The following FOXN4 variants were observed in gnomAD, a reference collection of about 807,000 sequenced individuals.
The protein encoded by FOXN4 is forkhead box protein N4.
Under a neutral mutation model 45.0 loss-of-function variants are expected in FOXN4, and 12 were observed. That is an observed-to-expected ratio of 0.27 (90% confidence interval 0.17 to 0.43). The LOEUF (loss-of-function observed/expected upper bound fraction) is 0.43, where lower values mean the gene tolerates loss of function less well. FOXN4 is among the 20% of genes least tolerant of loss of function. The probability of loss-of-function intolerance (pLI) is 1.00; values close to 1 mark genes in which losing one functional copy is unlikely to be tolerated. For synonymous variants in FOXN4, 297 were observed against 295.0 expected (o/e 1.01, Z -0.07); for missense variants, 560 against 694.9 (o/e 0.81, Z 2.18).
At chr12:109,304,287 GAAAGA>G (rs1566005700) in intron 2 of FOXN4, among the ~76,000 whole-genome samples, 36 of 49,590 alleles carry the variant, frequency 7.3e-4, no homozygotes, top group South Asian at 4.4e-3. Context: ...AAGAAAGAAA[GAAAGA>G]AAGGAGAAAG....
At position 109,281,576 on chromosome 12, in the gene FOXN4, A is replaced by G. The variant is rs2047652916; in HGVS notation, c.1125T>C (p.Ser375=). The G allele has an allele frequency of 1.9e-6, 3 of 1,606,302 alleles. No individual in the cohort carries two copies. The highest frequency in any genetic ancestry group is 2.6e-6 in the Non-Finnish European group (3 of 1,176,470). Residue 375 remains serine (S), a synonymous_variant, in exon 9 of 10, where the codon TCT becomes TCC. Transcript: ENST00000299162. The stretch of plus-strand genomic sequence containing the variant: ...GTGGCGGGGTCTGGGCTGGTGCTGG[A>G]GAGTCTGGAGCAAGATGTGCCTGGG... The part of the protein sequence containing the change: ...VQPQAHLAPD[S]PAPAQTPPLH...
chr12:109,307,190 C>A (rs376137070), intron 2 of FOXN4, among the ~76,000 whole-genome samples: 145 of 152,320 alleles, frequency 9.5e-4, no homozygotes, highest in African/African-American at 3.2e-3. Flanking sequence ...TTGCGGGCTG[C>A]GGTCTGTCCC....
intron 7 of FOXN4, among the ~76,000 whole-genome samples, chr12:109,286,260 G>A (rs1438995355): frequency 1.3e-5 from 2 of 152,170 alleles, no homozygotes; most frequent in Non-Finnish European, 2.9e-5. Flanking sequence ...TTATCTGCAG[G>A]ATCCTCACTG....
chr12:109,297,298 T>C (rs994547451), intron 2 of FOXN4, among the ~76,000 whole-genome samples: 1 of 152,260 alleles, frequency 6.6e-6, no homozygotes, highest in Admixed American at 6.5e-5. Flanking sequence ...GAACTGCACA[T>C]GCAAGAGATT....
chr12:109,286,599 G>A (rs772773564), intron 7 of FOXN4, 49 bp downstream of exon 7: 62 of 1,556,306 alleles, frequency 4.0e-5, no homozygotes, highest in Non-Finnish European at 9.6e-6. Flanking sequence ...GGCAGCACCA[G>A]GAAGAGACCA....
chr12:109,304,185 C>G (rs1199785872), intron 2 of FOXN4, among the ~76,000 whole-genome samples: 1 of 105,706 alleles, frequency 9.5e-6, no homozygotes, highest in Admixed American at 1.2e-4. Flanking sequence ...AGCCAGACTC[C>G]GTCAAAAAAA....
At chr12:109,285,533 C>A in intron 7 of FOXN4, 22 bp from the exon 8 acceptor site, 1 of 1,613,336 alleles carries the variant, frequency 6.2e-7, no homozygotes, top group Non-Finnish European at 8.5e-7. Flanking sequence ...CATGGGCATT[C>A]AGAGGCCTCC....
Position 109,279,747 on chromosome 12 carries a change from CTG to C in FOXN4, c.1476_1477del (p.Asp492GlufsTer46). 1 of 1,588,092 alleles carries C rather than the reference CTG, an allele frequency of 6.3e-7. No individual in the cohort carries two copies. The highest frequency in any genetic ancestry group is 2.3e-5 in the East Asian group (1 of 43,564). Reference sequence around the variant, plus strand: ...GGAGCTGGTGCCCGATGCAGCCACACTGTCCGGAGTGGAGTACGCTGTGTAGA... The same window carrying C: ...GGAGCTGGTGCCCGATGCAGCCACACTCCGGAGTGGAGTACGCTGTGTAGA... On this transcript the variant is annotated frameshift_variant, in exon 10 of 10. Transcript: ENST00000299162. LOFTEE classifies it high-confidence loss of function.
At position 109,281,488 on chromosome 12, in the gene FOXN4, C is replaced by T; in HGVS notation, c.1213G>A (p.Val405Ile). 2 of 1,613,996 alleles carry T rather than the reference C, an allele frequency of 1.2e-6. No homozygotes were observed. Among genetic ancestry groups the T allele is most frequent in the Non-Finnish European group, 8.5e-7 (1 of 1,179,892 alleles). ...TCGGTGCTGATGTTGATGAAGTCTA[C>T]AGGAGCCCTTCCCATGGCGGGGTGG... ...LPHPAMGRAP[V>I]DFINISTDMN... The change falls in exon 9 of 10, where the codon GTA (valine) becomes ATA (isoleucine). Residue 405 changes from valine (V) to isoleucine (I), a missense_variant. Val to Ile is a conservative substitution (Grantham distance 29). This residue lies in a region of FOXN4 where 315 missense variants were observed against 350.5 expected (regional missense o/e 0.90). Transcript: ENST00000299162.
At position 109,287,378 on chromosome 12, in the gene FOXN4, G is replaced by C. The variant is rs369551476; in HGVS notation, c.596+19C>G. On this transcript the variant is annotated intron_variant, in intron 6 of 9. Transcript: ENST00000299162. The surrounding 1 kb of genome is among the most constrained non-coding windows in gnomAD (Gnocchi z 4.1). ...CCGGAGCCGCCCTTGGCCCTGACCC[G>C]GCCCACCCTGGACCTCACCTGTACG... The C allele has an allele frequency of 6.4e-7, 1 of 1,551,200 alleles. No individual in the cohort carries two copies. The highest frequency in any genetic ancestry group is 2.4e-5 in the East Asian group (1 of 40,896).
At chr12:109,292,009 C>T (rs2047774045) in intron 2 of FOXN4, among the ~76,000 whole-genome samples, 1 of 152,232 alleles carries the variant, frequency 6.6e-6, no homozygotes, top group Non-Finnish European at 1.5e-5. Context: ...AGCCACGGCC[C>T]CGGGCCTGGG....
intron 2 of FOXN4, among the ~76,000 whole-genome samples, chr12:109,306,521 G>A (rs1376018561): frequency 1.3e-5 from 2 of 152,210 alleles, no homozygotes; most frequent in Non-Finnish European, 2.9e-5. Context: ...AGCTAGGAGG[G>A]CAGAAGTAGA....
intron 2 of FOXN4, among the ~76,000 whole-genome samples, chr12:109,293,522 G>T (rs1217522095): frequency 6.6e-6 from 1 of 152,186 alleles, no homozygotes; most frequent in Non-Finnish European, 1.5e-5. Context: ...TTTTGAGACA[G>T]AGTCTCGCTC....
chr12:109,287,309 A>G lies in FOXN4; in HGVS notation c.596+88T>C, dbSNP rs750468672. On this transcript the variant is annotated intron_variant, in intron 6 of 9. Transcript: ENST00000299162. This position sits in a 1 kb window ranked among gnomAD's most constrained non-coding sequence, Gnocchi z 4.1. ...CCCCCTTGGAAGTCTGGGCTGCCACACTAGCTGTCTGAGATGCCCTGAGGG... is the reference window on the plus strand; with the variant it reads ...CCCCCTTGGAAGTCTGGGCTGCCACGCTAGCTGTCTGAGATGCCCTGAGGG... The G allele has an allele frequency of 1.3e-5, 20 of 1,505,682 alleles. No individual in the cohort carries two copies. The highest frequency in any genetic ancestry group is 1.8e-5 in the Non-Finnish European group (20 of 1,114,314). 93.3% of individuals were successfully genotyped at this position (1,505,682 alleles called of 1,614,324 possible).
At chr12:109,292,164 G>A (rs934949442) in intron 2 of FOXN4, among the ~76,000 whole-genome samples, 1 of 152,176 alleles carries the variant, frequency 6.6e-6, no homozygotes, top group Non-Finnish European at 1.5e-5. Context: ...CCGGCGCCTG[G>A]TGGTGCAAGC....
chr12:109,305,574 TA>T (rs2047914177), intron 2 of FOXN4, among the ~76,000 whole-genome samples: 1 of 151,714 alleles, frequency 6.6e-6, no homozygotes, highest in Admixed American at 6.6e-5. Context: ...CTACTAAAAA[TA>T]AAAAATTAGC....
Position 109,278,564 on chromosome 12 carries a change from C to T in FOXN4, c.*1107G>A, listed in dbSNP as rs906073906. ...TAAATATCATGCGTTGAAGTTTTGT[C>T]CACCACTTGCCACGTGGTTCGAGCT... On this transcript the variant is annotated 3_prime_UTR_variant, in exon 10 of 10. Transcript: ENST00000299162. The T allele has an allele frequency of 2.0e-5, 3 of 152,140 alleles. No homozygotes were observed. Among genetic ancestry groups the T allele is most frequent in the African/African-American group, 7.2e-5 (3 of 41,424 alleles). The allele number at this position is 152,140 out of a possible 1,614,324, so 9.4% of individuals were successfully genotyped here.
At chr12:109,282,393 A>T (rs951884815) in intron 8 of FOXN4, among the ~76,000 whole-genome samples, 1 of 152,154 alleles carries the variant, frequency 6.6e-6, no homozygotes, top group Non-Finnish European at 1.5e-5. Context: ...GGCTGCAGTA[A>T]GACATGATTG....
In FOXN4 at chr12:109,287,786, G is replaced by T; in HGVS notation, c.468+58C>A. 1 of 1,462,644 alleles carries T rather than the reference G, an allele frequency of 6.8e-7. No individual in the cohort carries two copies. Among genetic ancestry groups the T allele is most frequent in the Non-Finnish European group, 9.1e-7 (1 of 1,100,062 alleles). The allele number at this position is 1,462,644 out of a possible 1,614,324, so 90.6% of individuals were successfully genotyped here. ...AAACTGAGGCTCAGAGGGGTCCCCG[G>T]CCAGCCCAAGGCAGGGTGTCTGCTG... On this transcript the variant is annotated intron_variant, in intron 5 of 9. Coordinates refer to ENST00000299162, the MANE Select transcript of FOXN4 (RefSeq NM_213596.3). This position sits in a 1 kb window ranked among gnomAD's most constrained non-coding sequence, Gnocchi z 4.1.
Sources: gnomAD v4.1 joint callset for allele counts (sites outside exome capture counted in the v4.1 genomes callset) on GRCh38, gnomAD v4.1.1 for gene constraint, gnomAD v4.1.1 regional missense constraint, Gnocchi (gnomAD v3.1) non-coding constraint, MANE v1.5 for transcripts, NCBI Gene and HGNC (gene_info 2026-07-23, HGNC 2026-07-21) for gene names.